WWOX: variants seen among roughly 807,000 people sequenced by gnomAD.
WWOX encodes the protein WW domain-containing oxidoreductase.
WWOX carries 69 observed loss-of-function variants against 46.2 expected under a neutral mutation model. The observed-to-expected ratio is 1.49, with a 90% CI of 1.23 to 1.82. The LOEUF is 1.82. Ranked by LOEUF, WWOX falls within the 40% of genes most tolerant of loss-of-function variation. The pLI is 0.00. For missense variants in WWOX, 919 were observed against 542.6 expected (o/e 1.69, Z -6.89); for synonymous variants, 359 against 202.6 (o/e 1.77, Z -6.56).
chr16:79,121,668 G>A (rs1353420440), intron 8 of WWOX, among the ~76,000 whole-genome samples: 2 of 152,104 alleles, frequency 1.3e-5, no homozygotes, highest in Admixed American at 6.5e-5. Context: ...TGGGGCATGC[G>A]CCAAGGGAAG....
chr16:78,809,069 G>A (rs772839183), intron 8 of WWOX, among the ~76,000 whole-genome samples: 3 of 151,964 alleles, frequency 2.0e-5, no homozygotes, highest in South Asian at 2.1e-4. Flanking sequence ...TATGGGCCCC[G>A]AGAAACACTG....
At chr16:78,190,910 T>A (rs2035863982) in intron 5 of WWOX, among the ~76,000 whole-genome samples, 1 of 152,174 alleles carries the variant, frequency 6.6e-6, no homozygotes, top group African/African-American at 2.4e-5. Context: ...ATTTGTTGTT[T>A]TTTTGGGACC....
intron 5 of WWOX, among the ~76,000 whole-genome samples, chr16:78,358,719 G>C (rs1334408263): frequency 6.6e-6 from 1 of 151,970 alleles, no homozygotes; most frequent in African/African-American, 2.4e-5. Flanking sequence ...ATATACAAAT[G>C]AGGGAAAATA....
intron 8 of WWOX, among the ~76,000 whole-genome samples, chr16:78,765,222 G>T (rs2049899220): frequency 6.6e-6 from 1 of 152,366 alleles, no homozygotes; most frequent in African/African-American, 2.4e-5. Context: ...AGAGGATCCA[G>T]CACGAGCAAA....
At chr16:78,163,097 T>C (rs2034849807) in intron 4 of WWOX, among the ~76,000 whole-genome samples, 1 of 152,224 alleles carries the variant, frequency 6.6e-6, no homozygotes, top group Non-Finnish European at 1.5e-5. Flanking sequence ...TTCCATTTGT[T>C]CCCCTCTGGC....
At chr16:78,737,282 G>C (rs1597518785) in intron 8 of WWOX, among the ~76,000 whole-genome samples, 1 of 151,116 alleles carries the variant, frequency 6.6e-6, no homozygotes, top group South Asian at 2.1e-4. Flanking sequence ...GTATGTATAT[G>C]TGTATATATA....
chr16:78,898,427 A>G (rs2044751103), intron 8 of WWOX: 1 of 152,124 alleles, frequency 6.6e-6, no homozygotes, highest in Admixed American at 6.5e-5. Context: ...TTTCCTTGGC[A>G]TCTTTGTCAA....
At chr16:78,855,637 C>G (rs565785680) in intron 8 of WWOX, among the ~76,000 whole-genome samples, 1 of 152,202 alleles carries the variant, frequency 6.6e-6, no homozygotes, top group East Asian at 1.9e-4. Flanking sequence ...AGAGGGAAGA[C>G]AACCTGTCTT....
intron 8 of WWOX, among the ~76,000 whole-genome samples, chr16:79,086,981 G>T (rs75818939): frequency 1.3e-5 from 2 of 152,216 alleles, no homozygotes; most frequent in Admixed American, 1.3e-4. Flanking sequence ...GTGTCTGAAT[G>T]GGATATGGTG....
At chr16:78,974,226 C>A (rs988908297) in intron 8 of WWOX, among the ~76,000 whole-genome samples, 3 of 152,196 alleles carry the variant, frequency 2.0e-5, no homozygotes, top group African/African-American at 7.2e-5. Flanking sequence ...AGAACGGATT[C>A]TTTTGGATTT....
chr16:79,055,188 A>G (rs1327471882), intron 8 of WWOX, among the ~76,000 whole-genome samples: 1 of 152,220 alleles, frequency 6.6e-6, no homozygotes, highest in African/African-American at 2.4e-5. Context: ...GCAAACAGTA[A>G]CAGTGATTAC....
chr16:79,002,763 A>G (rs140053286), intron 8 of WWOX, among the ~76,000 whole-genome samples: 1,585 of 152,226 alleles, frequency 0.01, 28 homozygotes, highest in African/African-American at 0.036. Context: ...CTCCCTGTCT[A>G]TAAGGGGAAA....
chr16:78,715,858 G>A (rs75995186), intron 8 of WWOX, among the ~76,000 whole-genome samples: 1,904 of 152,178 alleles, frequency 0.013, 31 homozygotes, highest in African/African-American at 0.043. Flanking sequence ...TTTGGCATGG[G>A]CTGTGTCACA....
At chr16:78,319,405 G>T (rs1403304533) in intron 5 of WWOX, among the ~76,000 whole-genome samples, 1 of 152,240 alleles carries the variant, frequency 6.6e-6, no homozygotes, top group Non-Finnish European at 1.5e-5. Context: ...GGACTACAGT[G>T]TGTACCATCA....
At chr16:78,405,699 C>T (rs8051395) in intron 6 of WWOX, among the ~76,000 whole-genome samples, 22,813 of 152,090 alleles carry the variant, frequency 0.15, 2,688 homozygotes, top group African/African-American at 0.3. Flanking sequence ...CAGGAAATAT[C>T]CTCTTTTAGG....
At chr16:78,282,647 T>A (rs2079698604) in intron 5 of WWOX, among the ~76,000 whole-genome samples, 1 of 151,700 alleles carries the variant, frequency 6.6e-6, no homozygotes, top group African/African-American at 2.4e-5. Context: ...GAGGCCTAGG[T>A]GCGCAGATTA....
intron 5 of WWOX, among the ~76,000 whole-genome samples, chr16:78,372,844 T>C (rs925926340): frequency 6.6e-6 from 1 of 151,506 alleles, no homozygotes; most frequent in African/African-American, 2.4e-5. Context: ...TTCTAATTTG[T>C]TATCATCATG....
chr16:78,207,059 G>A (rs2036418857), intron 5 of WWOX, among the ~76,000 whole-genome samples: 1 of 152,204 alleles, frequency 6.6e-6, no homozygotes, highest in Non-Finnish European at 1.5e-5. Context: ...CCCAGGGCCA[G>A]AGGGCTAAGG....
intron 8 of WWOX, among the ~76,000 whole-genome samples, chr16:78,940,223 T>C (rs1412242867): frequency 6.6e-6 from 1 of 152,198 alleles, no homozygotes; most frequent in African/African-American, 2.4e-5. Context: ...GTAACAGAAA[T>C]GTTTGTGTGT....
Sources: gnomAD v4.1 joint callset for allele counts (sites outside exome capture counted in the v4.1 genomes callset) on GRCh38, gnomAD v4.1.1 for gene constraint, MANE v1.5 for transcripts, NCBI Gene and HGNC (gene_info 2026-07-23, HGNC 2026-07-21) for gene names.